Variants in TBC1D5 observed in about 807,000 individuals in gnomAD.
TBC1D5 encodes TBC1 domain family member 5, also known as TBC1 domain family, member 5.
In TBC1D5, 75 loss-of-function variants were observed where a neutral mutation model predicts 100.3. The ratio of observed to expected loss-of-function variants is 0.75; its 90% CI spans 0.62 to 0.91. TBC1D5 has a LOEUF of 0.91. Ranked by LOEUF, TBC1D5 falls within the 40% of genes least tolerant of loss-of-function variation. The probability of loss-of-function intolerance (pLI) is 0.00; values close to 1 mark genes in which losing one functional copy is unlikely to be tolerated. For synonymous variants in TBC1D5, 323 were observed against 325.6 expected (o/e 0.99, Z 0.09); for missense variants, 910 against 942.4 (o/e 0.97, Z 0.45).
rs552249585 is a variant in TBC1D5, at chr3:17,190,584, T to C, written c.1753-5376A>G. Among the ~76,000 whole-genome samples the C allele has an allele frequency of 2.0e-5, 3 of 152,226 alleles. 1 individual carries two copies. The South Asian group carries it at 6.2e-4, about 32-fold the overall frequency. ...CCTCTTCTGTTCATCCCTGTTGCAT[T>C]TTCACTTCACATAATTATGTTTTCG... On this transcript the variant is annotated intron_variant, in intron 18 of 21. Transcript: ENST00000253692.
At chr3:17,472,989 G>A (rs899768111) in intron 3 of TBC1D5, among the ~76,000 whole-genome samples, 6 of 152,104 alleles carry the variant, frequency 3.9e-5, no homozygotes, top group African/African-American at 1.4e-4. Flanking sequence ...GAAATACAAT[G>A]AAGAGAAAAT....
intron 8 of TBC1D5, among the ~76,000 whole-genome samples, chr3:17,385,911 A>C (rs2093133776): frequency 6.6e-6 from 1 of 152,084 alleles, no homozygotes; most frequent in Non-Finnish European, 1.5e-5. Flanking sequence ...AGCATATGTC[A>C]GAGAAGCCAA....
In TBC1D5 at chr3:17,428,412, T is replaced by C. The variant is rs1231942283; in HGVS notation, c.167+38A>G. On this transcript the variant is annotated intron_variant, in intron 4 of 21. Transcript: ENST00000253692. ...AATATTATATGTGTGTGTGTGTGTGTATATATATATATATATATATATGTA... is the reference window on the plus strand; with the variant it reads ...AATATTATATGTGTGTGTGTGTGTGCATATATATATATATATATATATGTA... 10 of 236,512 alleles carry C rather than the reference T, an allele frequency of 4.2e-5. No homozygotes were observed. The Admixed American group carries it at 6.3e-4, about 15-fold the overall frequency. 14.7% of individuals were successfully genotyped at this position (236,512 alleles called of 1,614,324 possible). A position where few individuals can be genotyped will look rare whatever the true frequency, so the allele number is the denominator to read the frequency against.
chr3:17,279,115 A>G (rs2080323141), intron 15 of TBC1D5, among the ~76,000 whole-genome samples: 1 of 152,246 alleles, frequency 6.6e-6, no homozygotes, highest in African/African-American at 2.4e-5. Context: ...GCATGATACC[A>G]TAGTACTGAC....
intron 13 of TBC1D5, among the ~76,000 whole-genome samples, chr3:17,339,675 T>C (rs985543130): frequency 2.0e-5 from 3 of 152,204 alleles, no homozygotes; most frequent in African/African-American, 7.2e-5. Context: ...TATGTGTACA[T>C]ATGTACACAC....
intron 18 of TBC1D5, among the ~76,000 whole-genome samples, chr3:17,212,348 C>T (rs904280776): frequency 2.6e-5 from 4 of 152,100 alleles, no homozygotes; most frequent in African/African-American, 4.8e-5. Flanking sequence ...TAAGTGTTTG[C>T]GGTAATGCCA....
chr3:17,631,338 A>G (rs1204312128), intron 1 of TBC1D5, among the ~76,000 whole-genome samples: 1 of 152,234 alleles, frequency 6.6e-6, no homozygotes, highest in African/African-American at 2.4e-5. Flanking sequence ...GTTAGAAGCT[A>G]GCAGACATTG....
intron 2 of TBC1D5, among the ~76,000 whole-genome samples, chr3:17,565,555 T>TTTCTA (rs1257994944): frequency 6.6e-6 from 1 of 152,092 alleles, no homozygotes; most frequent in Non-Finnish European, 1.5e-5. Context: ...GAAAACCTCA[T>TTTCTA]TTCTATTTTC....
intron 13 of TBC1D5, among the ~76,000 whole-genome samples, chr3:17,336,600 C>T (rs934487856): frequency 6.6e-6 from 1 of 151,894 alleles, no homozygotes; most frequent in Non-Finnish European, 1.5e-5. Context: ...AAGGGTGGCA[C>T]CCACGTCAAG....
At position 17,475,183 on chromosome 3, in the gene TBC1D5, C is replaced by T. The variant is rs568739845; in HGVS notation, c.97+33291G>A. The stretch of plus-strand genomic sequence containing the variant: ...CCGGTGGTTCTACCTTGCCCCGCCC[C>T]ACCCGTTTATATATTCCCAAATCTA... On this transcript the variant is annotated intron_variant, in intron 3 of 21. Transcript: ENST00000253692. 9.8e-3 allele frequency among the ~76,000 whole-genome samples: 1,487 copies of T among 151,806 alleles called. 22 individuals are homozygous for T. Among genetic ancestry groups the T allele is most frequent in the African/African-American group, 0.033 (1,384 of 41,320 alleles).
chr3:17,495,449 C>G (rs1408688026), intron 3 of TBC1D5, among the ~76,000 whole-genome samples: 1 of 152,208 alleles, frequency 6.6e-6, no homozygotes, highest in East Asian at 1.9e-4. Context: ...ATCTCCTTTT[C>G]ACATTAAGTT....
intron 17 of TBC1D5, among the ~76,000 whole-genome samples, chr3:17,225,449 A>AC (rs2074771724): frequency 6.6e-6 from 1 of 151,260 alleles, no homozygotes; most frequent in African/African-American, 2.4e-5. Context: ...CAAAAAAAAA[A>AC]AAAAAAACAA....
At chr3:17,559,686 T>C (rs2096545443) in intron 2 of TBC1D5, among the ~76,000 whole-genome samples, 1 of 150,824 alleles carries the variant, frequency 6.6e-6, no homozygotes, top group African/African-American at 2.4e-5. Flanking sequence ...ACGTCCTGGG[T>C]TCAAGCGATT....
intron 18 of TBC1D5, 111 bp downstream of exon 19, chr3:17,214,096 C>A: frequency 9.6e-7 from 1 of 1,045,880 alleles, no homozygotes; most frequent in Non-Finnish European, 1.3e-6. Flanking sequence ...CCTTTTAGTC[C>A]ATAAAAGTTT....
At position 17,733,179 on chromosome 3, in the gene TBC1D5, C is replaced by T. The variant is rs145095118; in HGVS notation, c.-101+6164G>A. ...GAGAAAGAAGAGTTCATACTAGGTG[C>T]TTCCCCATTCCTACCTCTCCCGTTC... On this transcript the variant is annotated intron_variant, in intron 1 of 21. Coordinates refer to ENST00000253692, the Ensembl canonical transcript of TBC1D5. 3.9e-5 allele frequency among the ~76,000 whole-genome samples: 6 copies of T among 152,322 alleles called. No individual in the cohort carries two copies. In the East Asian group the frequency reaches 1.2e-3, roughly 29 times the overall value.
At chr3:17,549,954 T>C (rs2096458164) in intron 2 of TBC1D5, among the ~76,000 whole-genome samples, 1 of 150,146 alleles carries the variant, frequency 6.7e-6, no homozygotes, top group Non-Finnish European at 1.5e-5. Context: ...ATAATAATAG[T>C]AATAATAAGA....
intron 3 of TBC1D5, among the ~76,000 whole-genome samples, chr3:17,507,605 A>G (rs2095857441): frequency 1.3e-5 from 2 of 152,314 alleles, no homozygotes; most frequent in South Asian, 4.1e-4. Flanking sequence ...TGTTTGAAGA[A>G]AATAACACAC....
At chr3:17,637,720 A>G (rs1033699670) in intron 1 of TBC1D5, among the ~76,000 whole-genome samples, 2 of 152,210 alleles carry the variant, frequency 1.3e-5, no homozygotes, top group African/African-American at 4.8e-5. Flanking sequence ...AAACACTGAC[A>G]ATATCCAGCA....
intron 1 of TBC1D5, among the ~76,000 whole-genome samples, chr3:17,708,018 T>G (rs1407734614): frequency 6.6e-6 from 1 of 152,220 alleles, no homozygotes; most frequent in Non-Finnish European, 1.5e-5. Flanking sequence ...TTGGTTCACT[T>G]TATGTACACA....
Sources: allele counts gnomAD v4.1 joint callset (sites outside exome capture counted in the v4.1 genomes callset), GRCh38; gene constraint gnomAD v4.1.1; transcripts MANE v1.5; gene names NCBI Gene and HGNC (gene_info 2026-07-23, HGNC 2026-07-21).